DMBT1: variants seen among roughly 807,000 people sequenced by gnomAD.
The protein encoded by DMBT1 is deleted in malignant brain tumors 1.
A neutral mutation model predicts 252.9 loss-of-function variants in DMBT1; 198 were observed. The ratio of observed to expected loss-of-function variants is 0.78; its 90% CI spans 0.70 to 0.88. The LOEUF (loss-of-function observed/expected upper bound fraction) is 0.88. Ranked by LOEUF, DMBT1 falls within the 40% of genes least tolerant of loss-of-function variation. DMBT1 has a pLI of 0.00. For synonymous variants in DMBT1, 990 were observed against 942.7 expected (o/e 1.05, Z -0.92); for missense variants, 2,432 against 2,404.7 (o/e 1.01, Z -0.24).
At chr10:122,627,201 A>G (rs1591526497) in intron 46 of DMBT1, among the ~76,000 whole-genome samples, 1 of 152,330 alleles carries the variant, frequency 6.6e-6, no homozygotes, top group South Asian at 2.1e-4. Context: ...CTTTTTCATA[A>G]TGTATCCTTA....
Position 122,570,869 on chromosome 10 carries a change from C to T in DMBT1, c.140-21C>T. ...AAACAAGGGCTACCATCAATGAGCT[C>T]TTCCTTTCTCCACCCTGCAGGTTCT... is the stretch of plus-strand genomic sequence containing the variant. On this transcript the variant is annotated intron_variant, in intron 3 of 55. Coordinates refer to ENST00000338354, the MANE Select transcript of DMBT1 (RefSeq NM_001377530.1). 4.3e-6 allele frequency: 7 copies of T among 1,612,354 alleles called. No individual in the cohort carries two copies. The South Asian group carries it at 6.6e-5, about 15-fold the overall frequency.
At chr10:122,630,817 G>A in intron 48 of DMBT1, 144 bp from the exon 49 acceptor site, 2 of 901,834 alleles carry the variant, frequency 2.2e-6, no homozygotes, top group Admixed American at 2.8e-5. Context: ...GAGCGGTCCA[G>A]TACCTCCACC....
chr10:122,632,926 G>A (rs1158572912), intron 51 of DMBT1, 36 bp downstream of exon 51: 2 of 1,613,248 alleles, frequency 1.2e-6, no homozygotes, highest in East Asian at 2.2e-5. Context: ...CTGTGGCAGA[G>A]TGGCCTGGAA....
Position 122,599,245 on chromosome 10 carries a change from A to G in DMBT1, c.3280+148A>G, listed in dbSNP as rs906527853. The G allele has an allele frequency of 9.6e-6, 14 of 1,460,066 alleles. No individual in the cohort carries two copies. In the Admixed American group the frequency reaches 1.2e-4, roughly 12 times the overall value. The allele number at this position is 1,460,066 out of a possible 1,614,324, so 90.4% of individuals were successfully genotyped here. ...TGTTAGCTCTCTGCTAAGAATCCCTATGTACTCACTGCCTAGTGTTCCTGT... is the reference window on the plus strand; with the variant it reads ...TGTTAGCTCTCTGCTAAGAATCCCTGTGTACTCACTGCCTAGTGTTCCTGT... On this transcript the variant is annotated intron_variant, in intron 26 of 55. Transcript: ENST00000338354.
At chr10:122,624,210 C>G (rs2098097620) in intron 44 of DMBT1, among the ~76,000 whole-genome samples, 2 of 152,252 alleles carry the variant, frequency 1.3e-5, no homozygotes, top group South Asian at 4.2e-4. Context: ...CCCTGCAGAT[C>G]CATGCTGATG....
chr10:122,633,318 G>A lies in DMBT1; in HGVS notation c.6525G>A (p.Val2175=). ...WDIEVQNNYR[V]TVIFRDVQLE... Reference sequence around the variant, plus strand: ...TTGAGGTGCAAAACAACTACCGTGTGACTGTGATCTTCAGAGATGTCCAGT... The same window carrying A: ...TTGAGGTGCAAAACAACTACCGTGTAACTGTGATCTTCAGAGATGTCCAGT... The change falls in exon 52 of 56, where the codon GTG becomes GTA. Residue 2175 remains valine, a synonymous_variant. Coordinates refer to ENST00000338354, the MANE Select transcript of DMBT1 (RefSeq NM_001377530.1). The A allele has an allele frequency of 6.2e-7, 1 of 1,614,028 alleles. No homozygotes were observed. The highest frequency in any genetic ancestry group is 8.5e-7 in the Non-Finnish European group (1 of 1,179,908).
At chr10:122,560,862 TTC>T in intron 1 of DMBT1, 31 bp downstream of exon 1, 1 of 1,520,208 alleles carries the variant, frequency 6.6e-7, no homozygotes, top group Non-Finnish European at 8.9e-7. Context: ...ATTCATTAAT[TTC>T]TCTCCTGCAG....
chr10:122,593,771 A>T (rs976206796), intron 21 of DMBT1, among the ~76,000 whole-genome samples, 173 bp downstream of exon 21: 3 of 147,622 alleles, frequency 2.0e-5, no homozygotes, highest in African/African-American at 7.3e-5. Context: ...TTAAACACAC[A>T]CAGGATTGAG....
intron 16 of DMBT1, among the ~76,000 whole-genome samples, chr10:122,588,472 C>T (rs1591323852): frequency 2.7e-5 from 4 of 149,156 alleles, no homozygotes; most frequent in East Asian, 4.1e-4. Flanking sequence ...TATTCGACCT[C>T]GTTCCTGGCC....
intron 20 of DMBT1, among the ~76,000 whole-genome samples, chr10:122,592,990 C>T (rs1235845973): frequency 6.7e-6 from 1 of 148,686 alleles, no homozygotes; most frequent in Admixed American, 6.7e-5. Context: ...GCTAAAGATG[C>T]TTGTCTGAAA....
At position 122,567,209 on chromosome 10, in the gene DMBT1, G is replaced by A. The variant is rs147758443; in HGVS notation, c.91+1213G>A. 2.1e-3 allele frequency among the ~76,000 whole-genome samples: 318 copies of A among 152,324 alleles called. 3 individuals carry two copies. The highest frequency in any genetic ancestry group is 7.1e-3 in the African/African-American group (295 of 41,576). The stretch of plus-strand genomic sequence containing the variant: ...CAACACAGAGCAAGGGAGAGGCTGA[G>A]GCAGGGAGACCGAGCACTCTCCTGG... On this transcript the variant is annotated intron_variant, in intron 2 of 55. Coordinates refer to ENST00000338354, the MANE Select transcript of DMBT1 (RefSeq NM_001377530.1).
chr10:122,620,628 G>C (rs1443681613), intron 43 of DMBT1, among the ~76,000 whole-genome samples: 2 of 152,246 alleles, frequency 1.3e-5, no homozygotes, highest in Admixed American at 6.5e-5. Context: ...AGTGGGGAAA[G>C]TGCCTGTCCC....
rs1210922900 is a variant in DMBT1, at chr10:122,585,246, G to A, written c.1421-25G>A. ...ATTTTCACCATCAACTTTAATTCTAGCCTTTGTCTCTGTTGCAATTACAGA... is the reference window on the plus strand; with the variant it reads ...ATTTTCACCATCAACTTTAATTCTAACCTTTGTCTCTGTTGCAATTACAGA... On this transcript the variant is annotated intron_variant, in intron 14 of 55. Coordinates refer to ENST00000338354, the MANE Select transcript of DMBT1 (RefSeq NM_001377530.1). The A allele has an allele frequency of 1.3e-6, 2 of 1,584,602 alleles. 1 individual carries two copies. The highest frequency in any genetic ancestry group is 1.7e-6 in the Non-Finnish European group (2 of 1,162,826).
At chr10:122,631,951 C>T (rs910736286) in intron 50 of DMBT1, 76 bp downstream of exon 50, 1 of 1,502,304 alleles carries the variant, frequency 6.7e-7, no homozygotes, top group African/African-American at 1.4e-5. Context: ...CTGTGCAGGG[C>T]ATGTTGCTCA....
Position 122,599,018 on chromosome 10 carries a change from T to C in DMBT1, c.3201T>C (p.Ser1067=), listed in dbSNP as rs751101051. The C allele has an allele frequency of 6.4e-5, 103 of 1,613,576 alleles. No homozygotes were observed. The highest frequency in any genetic ancestry group is 6.0e-4 in the African/African-American group (45 of 74,890). ...LDDVRCSGHE[S]YLWSCPHNGW... Reference sequence around the variant, plus strand: ...ATGTGCGCTGCTCAGGACACGAGTCTTACCTGTGGAGCTGCCCCCACAATG... The same window carrying C: ...ATGTGCGCTGCTCAGGACACGAGTCCTACCTGTGGAGCTGCCCCCACAATG... Residue 1067 remains serine, a synonymous_variant, in exon 26 of 56, where the codon TCT becomes TCC. Transcript: ENST00000338354.
intron 53 of DMBT1, 129 bp from the exon 54 acceptor site, chr10:122,636,999 C>T (rs2098231980): frequency 1.2e-6 from 1 of 803,050 alleles, no homozygotes; most frequent in Admixed American, 2.6e-5. Flanking sequence ...ATGCCCACAT[C>T]CTAAGTGCTG....
At position 122,639,931 on chromosome 10, in the gene DMBT1, G is replaced by T; in HGVS notation, c.6943-109G>T. 10 of 1,331,522 alleles carry T rather than the reference G, an allele frequency of 7.5e-6. No homozygotes were observed. In the South Asian group the frequency reaches 1.3e-4, roughly 18 times the overall value. The allele number at this position is 1,331,522 out of a possible 1,614,324, so 82.5% of individuals were successfully genotyped here. On this transcript the variant is annotated intron_variant, in intron 54 of 55. Transcript: ENST00000338354. ...CCATCTCTGAGTGGTTCTGGGAGGG[G>T]TGGAAGTCTTGTTGAGTCACGTCCC...
rs975580187 is a variant in DMBT1 at position 122,637,258 on chromosome 10, G to A, written c.6888G>A (p.Thr2296=). 3.7e-6 allele frequency: 6 copies of A among 1,613,728 alleles called. No individual in the cohort carries two copies. Among genetic ancestry groups the A allele is most frequent in the South Asian group, 3.3e-5 (3 of 91,062 alleles). ...ACTACGAGTGTCGGCCCCAGATAAC[G>A]CCGAACCTGGTGATATTCACAATTC... The part of the protein sequence containing the change: ...NGYYECRPQI[T]PNLVIFTIPY... The change falls in exon 54 of 56, where the codon ACG becomes ACA. Residue 2296 remains threonine (T), a synonymous_variant. Coordinates refer to ENST00000338354, the MANE Select transcript of DMBT1 (RefSeq NM_001377530.1).
intron 52 of DMBT1, 30 bp downstream of exon 52, chr10:122,633,371 G>A (rs2098182405): frequency 6.2e-7 from 1 of 1,611,104 alleles, no homozygotes; most frequent in Non-Finnish European, 8.5e-7. Context: ...AATGCCTTGG[G>A]GCCCCACAGA....
Sources: allele counts gnomAD v4.1 joint callset (sites outside exome capture counted in the v4.1 genomes callset), GRCh38; gene constraint gnomAD v4.1.1; transcripts MANE v1.5; gene names NCBI Gene and HGNC (gene_info 2026-07-23, HGNC 2026-07-21).